The following PATJ variants were observed in gnomAD, a reference collection of about 807,000 sequenced individuals.
PATJ encodes the protein PATJ crumbs cell polarity complex component.
PATJ carries 190 observed loss-of-function variants against 224.9 expected under a neutral mutation model. That is an observed-to-expected ratio of 0.84 (90% CI 0.75 to 0.95). PATJ has a LOEUF of 0.95. Ranked by LOEUF, PATJ falls within the 40% of genes least tolerant of loss-of-function variation. The pLI is 0.00. For synonymous variants in PATJ, 769 were observed against 820.3 expected (o/e 0.94, Z 1.07); for missense variants, 2,121 against 2,270.3 (o/e 0.93, Z 1.34).
intron 28 of PATJ, among the ~76,000 whole-genome samples, chr1:61,993,903 G>A (rs1173494215): frequency 1.3e-5 from 2 of 152,020 alleles, no homozygotes; most frequent in Non-Finnish European, 2.9e-5. Flanking sequence ...TGCTTTATTG[G>A]ACTCCTCCTA....
intron 18 of PATJ, among the ~76,000 whole-genome samples, chr1:61,858,871 T>C (rs1664120644): frequency 6.6e-6 from 1 of 152,214 alleles, no homozygotes; most frequent in Non-Finnish European, 1.5e-5. Flanking sequence ...CTTTAAATAT[T>C]TCAAAGTGGA....
chr1:61,875,954 G>A (rs1276340307), intron 21 of PATJ, among the ~76,000 whole-genome samples: 2 of 152,068 alleles, frequency 1.3e-5, no homozygotes, highest in African/African-American at 4.8e-5. Flanking sequence ...AATATTGAAT[G>A]TCATTATAAA....
chr1:62,131,532 C>T (rs1035063180), intron 41 of PATJ, among the ~76,000 whole-genome samples: 1 of 152,074 alleles, frequency 6.6e-6, no homozygotes, highest in Non-Finnish European at 1.5e-5. Context: ...CCTGTAATCC[C>T]AGCTACTCAG....
intron 23 of PATJ, 36 bp downstream of exon 23, chr1:61,899,690 G>A: frequency 7.3e-7 from 1 of 1,377,618 alleles, no homozygotes; most frequent in Non-Finnish European, 1.0e-6. Flanking sequence ...TTCTCAATAG[G>A]AGCACAACCA....
intron 31 of PATJ, among the ~76,000 whole-genome samples, chr1:62,075,086 ATTC>A (rs1336791173): frequency 6.6e-6 from 1 of 152,244 alleles, no homozygotes; most frequent in East Asian, 1.9e-4. Context: ...ATCATCTTAC[ATTC>A]TTCTTCTTGC....
chr1:61,820,810 A>G (rs1657105437), intron 14 of PATJ, among the ~76,000 whole-genome samples: 1 of 152,202 alleles, frequency 6.6e-6, no homozygotes, highest in Non-Finnish European at 1.5e-5. Context: ...TTTGCCCTGT[A>G]GCATCTGGCT....
intron 27 of PATJ, among the ~76,000 whole-genome samples, chr1:61,956,606 T>A (rs552661167): frequency 1.3e-5 from 2 of 152,318 alleles, no homozygotes; most frequent in Admixed American, 1.3e-4. Flanking sequence ...CTTGAGTATA[T>A]CTCATGCTTC....
intron 28 of PATJ, among the ~76,000 whole-genome samples, chr1:62,002,107 C>G (rs1320654868): frequency 6.6e-6 from 1 of 152,080 alleles, no homozygotes; most frequent in African/African-American, 2.4e-5. Flanking sequence ...TCCCATAGCA[C>G]CAAGTTCCAT....
chr1:61,814,558 G>A (rs867743311), intron 14 of PATJ, among the ~76,000 whole-genome samples: 140 of 151,958 alleles, frequency 9.2e-4, no homozygotes, highest in Middle Eastern at 6.8e-3. Context: ...GCGCGCGCGC[G>A]CGCATGTATG....
intron 26 of PATJ, among the ~76,000 whole-genome samples, chr1:61,926,227 CACA>C (rs1328817661): frequency 6.6e-6 from 1 of 152,158 alleles, no homozygotes; most frequent in Non-Finnish European, 1.5e-5. Context: ...CTGCCTTTGC[CACA>C]TCTGGGGAGA....
At chr1:61,822,549 C>T (rs2148721775) in intron 14 of PATJ, among the ~76,000 whole-genome samples, 1 of 152,168 alleles carries the variant, frequency 6.6e-6, no homozygotes, top group Middle Eastern at 3.4e-3. Flanking sequence ...TCAGGGCTTC[C>T]TGCCATGGTA....
chr1:61,902,092 G>T (rs1387463886), intron 24 of PATJ, among the ~76,000 whole-genome samples: 1 of 151,990 alleles, frequency 6.6e-6, no homozygotes, highest in Non-Finnish European at 1.5e-5. Flanking sequence ...GTAGTGGCAC[G>T]TGCCTGTATT....
intron 28 of PATJ, among the ~76,000 whole-genome samples, chr1:62,015,544 TGTG>T (rs1392739586): frequency 6.6e-6 from 1 of 152,004 alleles, no homozygotes; most frequent in African/African-American, 2.4e-5. Flanking sequence ...TTCGTGTGTG[TGTG>T]TGCGTGATGG....
intron 20 of PATJ, 80 bp downstream of exon 20, chr1:61,864,713 ATGT>A: frequency 7.6e-7 from 1 of 1,312,844 alleles, no homozygotes. Context: ...TGTCACTTCA[ATGT>A]TGTTTGTTTT....
In PATJ at chr1:62,161,154, C is replaced by A; in HGVS notation, c.*100C>A. On this transcript the variant is annotated 3_prime_UTR_variant, in exon 44 of 44. Transcript: ENST00000642238. ...AAAAGCACCCTCAACTAAAATGCAC[C>A]TTCATTCTTATTTCTTGCCCTCTCT... The A allele has an allele frequency of 2.1e-6, 2 of 931,668 alleles. No individual in the cohort carries two copies. The highest frequency in any genetic ancestry group is 3.3e-5 in the South Asian group (1 of 30,444). The allele number at this position is 931,668 out of a possible 1,614,324, so 57.7% of individuals were successfully genotyped here.
intron 21 of PATJ, among the ~76,000 whole-genome samples, chr1:61,876,731 G>A (rs1231038951): frequency 6.6e-6 from 1 of 152,124 alleles, no homozygotes; most frequent in East Asian, 1.9e-4. Flanking sequence ...CTAGCTATAT[G>A]GGCTGGTGTT....
chr1:61,894,787 C>G (rs1315286655), intron 22 of PATJ, among the ~76,000 whole-genome samples: 1 of 152,206 alleles, frequency 6.6e-6, no homozygotes, highest in Non-Finnish European at 1.5e-5. Context: ...GACTTTGGAA[C>G]TGGCTAACAG....
At chr1:61,775,898 A>G (rs1170360068) in intron 7 of PATJ, among the ~76,000 whole-genome samples, 1 of 152,240 alleles carries the variant, frequency 6.6e-6, no homozygotes, top group Non-Finnish European at 1.5e-5. Context: ...AAATTAGTTT[A>G]GAAATTTGAC....
chr1:61,919,580 C>T (rs757322592), intron 26 of PATJ, among the ~76,000 whole-genome samples: 8 of 152,110 alleles, frequency 5.3e-5, no homozygotes, highest in African/African-American at 2.4e-5. Flanking sequence ...GCTGGGGTTA[C>T]AGGTTTGAGC....
Sources: allele counts gnomAD v4.1 joint callset (sites outside exome capture counted in the v4.1 genomes callset), GRCh38; gene constraint gnomAD v4.1.1; transcripts MANE v1.5; gene names NCBI Gene and HGNC (gene_info 2026-07-23, HGNC 2026-07-21).